The following MYO3A variants were observed in gnomAD, a reference collection of about 807,000 sequenced individuals.
MYO3A encodes the protein myosin IIIA, also known as myosin-IIIa.
A neutral mutation model predicts 192.7 loss-of-function variants in MYO3A; 180 were observed. That is an observed-to-expected ratio of 0.93 (90% CI 0.83 to 1.06). MYO3A has a LOEUF of 1.06. MYO3A is among the 50% of genes least tolerant of loss of function. MYO3A has a pLI of 0.00. For synonymous variants in MYO3A, 628 were observed against 645.3 expected, an observed-to-expected ratio of 0.97 and a Z score of 0.41; for missense variants, 1,896 against 1,905.0, an observed-to-expected ratio of 1.00 and a Z score of 0.09.
chr10:26,102,679 T>C (rs1279623180), intron 17 of MYO3A, among the ~76,000 whole-genome samples: 1 of 152,224 alleles, frequency 6.6e-6, no homozygotes, highest in African/African-American at 2.4e-5. Context: ...CAGACCCTGT[T>C]TGTCTGGGTA....
intron 17 of MYO3A, among the ~76,000 whole-genome samples, chr10:26,097,503 A>G (rs1837119566): frequency 6.6e-6 from 1 of 152,052 alleles, no homozygotes; most frequent in African/African-American, 2.4e-5. Context: ...CGTCATTTAC[A>G]TTAGGTATAT....
chr10:25,946,877 CAAAAAAAAAAAAAA>C lies in MYO3A; in HGVS notation c.-17-5200_-17-5187del, dbSNP rs34045169. Among the ~76,000 whole-genome samples, 7 of 50,150 alleles carry C rather than the reference CAAAAAAAAAAAAAA, an allele frequency of 1.4e-4. No homozygotes were observed. The South Asian group carries it at 7.3e-3, about 52-fold the overall frequency. The allele number at this position is 50,150 out of a possible 152,430, so 32.9% of individuals were successfully genotyped here. On this transcript the variant is annotated intron_variant, in intron 2 of 34. Coordinates refer to ENST00000642920, the MANE Select transcript of MYO3A (RefSeq NM_017433.5). Reference sequence around the variant, plus strand: ...TGGGTGACAGAGTGAGACTCCGTCTCAAAAAAAAAAAAAAAAAAAAAAAAAAAAAAGATTTGCCT... The same window carrying C: ...TGGGTGACAGAGTGAGACTCCGTCTCAAAAAAAAAAAAAAAAGATTTGCCT...
chr10:26,168,045 T>C (rs910505484), intron 27 of MYO3A, among the ~76,000 whole-genome samples: 12 of 152,216 alleles, frequency 7.9e-5, no homozygotes, highest in African/African-American at 2.7e-4. Context: ...CCTCCCTTGC[T>C]CCAATTGATG....
chr10:26,125,295 T>G, intron 18 of MYO3A, 103 bp from the exon 19 acceptor site: 1 of 994,044 alleles, frequency 1.0e-6, no homozygotes, highest in East Asian at 2.6e-5. Context: ...CTCCACACAT[T>G]TAATTCATGT....
At position 26,176,713 on chromosome 10, in the gene MYO3A, T is replaced by G; in HGVS notation, c.4306T>G (p.Ser1436Ala). The change falls in exon 31 of 35, where the codon TCT (serine) becomes GCT (alanine). Residue 1436 changes from serine (S) to alanine (A), a missense_variant. By Grantham distance (99) the Ser-to-Ala change is moderately conservative. Coordinates refer to ENST00000642920, the MANE Select transcript of MYO3A (RefSeq NM_017433.5). Reference sequence around the variant, plus strand: ...ACCTTCTTTTTAGATATCAAAGTTATCTGAAGAATATTTCATTCTGCAGAA... The same window carrying G: ...ACCTTCTTTTTAGATATCAAAGTTAGCTGAAGAATATTTCATTCTGCAGAA... ...AIFSKQISKL[S>A]EEYFILQKKL... The G allele has an allele frequency of 6.2e-7, 1 of 1,609,324 alleles. No homozygotes were observed. Among genetic ancestry groups the G allele is most frequent in the Non-Finnish European group, 8.5e-7 (1 of 1,175,762 alleles).
In MYO3A at chr10:26,168,808, T is replaced by C. The variant is rs1393780376; in HGVS notation, c.3208T>C (p.Leu1070=). 3.1e-6 allele frequency: 5 copies of C among 1,613,106 alleles called. No homozygotes were observed. In the African/African-American group the frequency reaches 5.3e-5, roughly 17 times the overall value. The change falls in exon 28 of 35, where the codon TTG becomes CTG. Residue 1070 remains leucine (L), a synonymous_variant. Transcript: ENST00000642920. ...GATTCAAGCTTGTGTCAGAGCATTC[T>C]TGTGTTCAAGAAGATACCAAAAAAT... The part of the protein sequence containing the change: ...ILIQACVRAF[L]CSRRYQKIQE...
intron 4 of MYO3A, among the ~76,000 whole-genome samples, chr10:25,985,953 C>T (rs749268159): frequency 3.9e-5 from 6 of 152,094 alleles, no homozygotes; most frequent in African/African-American, 1.2e-4. Context: ...TGCAAAAATC[C>T]TCAACAAAAT....
rs138666049 is a variant in MYO3A, at chr10:26,136,510, G to C, written c.2263-6938G>C. On this transcript the variant is annotated intron_variant, in intron 20 of 34. Transcript: ENST00000642920. ...TCAAATCACTTCAATTGGTGACTTT[G>C]GAAGAATCTTTTTAAAACTTTGGGC... is the stretch of plus-strand genomic sequence containing the variant. Among the ~76,000 whole-genome samples the C allele has an allele frequency of 1.0e-3, 155 of 152,286 alleles. 2 individuals carry two copies. The highest frequency in any genetic ancestry group is 3.5e-3 in the African/African-American group (147 of 41,550).
intron 31 of MYO3A, among the ~76,000 whole-genome samples, chr10:26,189,414 A>G (rs1267572152): frequency 3.3e-5 from 5 of 152,224 alleles, no homozygotes; most frequent in Non-Finnish European, 7.3e-5. Context: ...AGCAAGTACC[A>G]TTTATGCTCA....
In MYO3A at chr10:26,147,521, T is replaced by C; in HGVS notation, c.2597T>C (p.Val866Ala). 2 of 1,614,068 alleles carry C rather than the reference T, an allele frequency of 1.2e-6. No homozygotes were observed. The change falls in exon 23 of 35, where the codon GTA becomes GCA. Residue 866 changes from valine to alanine, a missense_variant. Transcript: ENST00000642920. ...VLLLRSSDNS[V>A]IRQLVNHPLT... Reference sequence around the variant, plus strand: ...CTTTTGAGGTCATCCGACAACAGTGTAATTAGGCAACTAGTCAACCACCCT... The same window carrying C: ...CTTTTGAGGTCATCCGACAACAGTGCAATTAGGCAACTAGTCAACCACCCT...
At position 26,081,139 on chromosome 10, in the gene MYO3A, C is replaced by A. The variant is rs545739879; in HGVS notation, c.1360-7064C>A. On this transcript the variant is annotated intron_variant, in intron 14 of 34. Transcript: ENST00000642920. ...TCCCAAGATTATATGCCCTTCCCCC[C>A]CCCCCCGCCCCCGCTACCAGGGTGG... Among the ~76,000 whole-genome samples the A allele has an allele frequency of 1.9e-4, 20 of 106,308 alleles. No individual in the cohort carries two copies. The East Asian group carries it at 3.4e-3, about 18-fold the overall frequency. 69.7% of individuals were successfully genotyped at this position (106,308 alleles called of 152,430 possible). A position where few individuals can be genotyped will look rare whatever the true frequency, so the allele number is the denominator to read the frequency against.
intron 18 of MYO3A, 139 bp downstream of exon 18, chr10:26,120,941 A>G (rs1838827138): frequency 8.6e-7 from 1 of 1,157,534 alleles, no homozygotes; most frequent in East Asian, 2.6e-5. Context: ...TGTGTGTAAA[A>G]TTAAAATTTT....
At chr10:26,102,992 C>G (rs1837563675) in intron 17 of MYO3A, among the ~76,000 whole-genome samples, 1 of 152,230 alleles carries the variant, frequency 6.6e-6, no homozygotes, top group African/African-American at 2.4e-5. Context: ...ATGCCCTTCC[C>G]CCAGAGGTGG....
At chr10:26,195,845 T>C (rs1266106873) in intron 32 of MYO3A, among the ~76,000 whole-genome samples, 9 of 152,252 alleles carry the variant, frequency 5.9e-5, no homozygotes, top group Admixed American at 2.0e-4. Context: ...CATACTTCCC[T>C]TTTATGACAC....
At chr10:26,204,347 C>A (rs1446905092) in intron 34 of MYO3A, 1 of 152,292 alleles carries the variant, frequency 6.6e-6, no homozygotes, top group Non-Finnish European at 1.5e-5. Context: ...TAAAAGCTCA[C>A]CCTGCCCCTT....
At chr10:25,979,238 T>C (rs1453227282) in intron 4 of MYO3A, among the ~76,000 whole-genome samples, 1 of 152,176 alleles carries the variant, frequency 6.6e-6, no homozygotes. Context: ...TTAGAGTGAA[T>C]AGCATTGTTT....
chr10:26,061,245 C>A (rs960597807), intron 10 of MYO3A, among the ~76,000 whole-genome samples: 2 of 152,078 alleles, frequency 1.3e-5, no homozygotes, highest in Non-Finnish European at 2.9e-5. Flanking sequence ...TTGTTTTTTG[C>A]AGCTTTGTAT....
intron 20 of MYO3A, among the ~76,000 whole-genome samples, chr10:26,139,370 G>T (rs1409657548): frequency 6.6e-6 from 1 of 151,816 alleles, no homozygotes; most frequent in African/African-American, 2.4e-5. Context: ...CTCCCAAGTA[G>T]CTGGGATTAC....
intron 22 of MYO3A, 66 bp from the exon 23 acceptor site, chr10:26,147,364 G>A: frequency 6.8e-7 from 1 of 1,467,212 alleles, no homozygotes; most frequent in Non-Finnish European, 9.5e-7. Flanking sequence ...TGATGATGAT[G>A]ATGGTGAGGA....
Sources: allele counts gnomAD v4.1 joint callset (sites outside exome capture counted in the v4.1 genomes callset), GRCh38; gene constraint gnomAD v4.1.1; transcripts MANE v1.5; gene names NCBI Gene and HGNC (gene_info 2026-07-23, HGNC 2026-07-21).